Variants in SPAG16 observed in about 807,000 individuals in gnomAD.
The protein encoded by SPAG16 is sperm associated antigen 16.
Under a neutral mutation model 80.4 loss-of-function variants are expected in SPAG16, and 86 were observed. The ratio of observed to expected loss-of-function variants is 1.07; its 90% confidence interval spans 0.90 to 1.28. The LOEUF (loss-of-function observed/expected upper bound fraction) is 1.28, where lower values mean the gene tolerates loss of function less well. Ranked by LOEUF, SPAG16 falls within the 50% of genes most tolerant of loss-of-function variation. The pLI is 0.00. For synonymous variants in SPAG16, 294 were observed against 265.9 expected, an observed-to-expected ratio of 1.11 and a Z score of -1.03; for missense variants, 870 against 765.3, an observed-to-expected ratio of 1.14 and a Z score of -1.61.
chr2:213,537,011 A>C (rs2076274265), intron 10 of SPAG16, among the ~76,000 whole-genome samples: 1 of 152,078 alleles, frequency 6.6e-6, no homozygotes, highest in Non-Finnish European at 1.5e-5. Context: ...TGTCCTTTGT[A>C]GGTACATGGA....
intron 15 of SPAG16, among the ~76,000 whole-genome samples, chr2:214,261,992 T>G (rs914472683): frequency 4.6e-5 from 7 of 152,138 alleles, no homozygotes; most frequent in African/African-American, 1.7e-4. Flanking sequence ...AAAGGGGAAT[T>G]CTCATACAGT....
intron 15 of SPAG16, among the ~76,000 whole-genome samples, chr2:214,290,649 C>T (rs1693731901): frequency 6.6e-6 from 1 of 152,000 alleles, no homozygotes; most frequent in Non-Finnish European, 1.5e-5. Flanking sequence ...GGTTGGTTAT[C>T]CAGAAGCATG....
intron 15 of SPAG16, among the ~76,000 whole-genome samples, chr2:214,353,289 T>C (rs1332570446): frequency 6.6e-6 from 1 of 150,858 alleles, no homozygotes; most frequent in Non-Finnish European, 1.5e-5. Flanking sequence ...ATAAAATTAC[T>C]GAGGAAAAAA....
At chr2:214,138,248 G>C (rs2055164879) in intron 14 of SPAG16, among the ~76,000 whole-genome samples, 1 of 152,104 alleles carries the variant, frequency 6.6e-6, no homozygotes, top group Non-Finnish European at 1.5e-5. Flanking sequence ...CCTGGCTAGG[G>C]TAGTAAGTTC....
At chr2:214,136,598 G>C (rs1372138497) in intron 14 of SPAG16, among the ~76,000 whole-genome samples, 2 of 152,198 alleles carry the variant, frequency 1.3e-5, no homozygotes, top group Admixed American at 6.5e-5. Context: ...GCATAGGAAA[G>C]AAGTATACAC....
At chr2:213,701,611 G>T (rs561058404) in intron 10 of SPAG16, among the ~76,000 whole-genome samples, 1 of 152,304 alleles carries the variant, frequency 6.6e-6, no homozygotes, top group African/African-American at 2.4e-5. Flanking sequence ...GAGGAGTGCA[G>T]GTGCGTGGCG....
At chr2:213,383,813 A>T (rs1417487147) in intron 9 of SPAG16, among the ~76,000 whole-genome samples, 1 of 152,210 alleles carries the variant, frequency 6.6e-6, no homozygotes, top group Non-Finnish European at 1.5e-5. Context: ...GTGATGTTCT[A>T]TAATATTTCT....
intron 9 of SPAG16, among the ~76,000 whole-genome samples, chr2:213,383,113 G>A (rs2125250015): frequency 6.6e-6 from 1 of 152,156 alleles, no homozygotes; most frequent in East Asian, 1.9e-4. Flanking sequence ...GAATTCTTGA[G>A]CAATGTTTGG....
chr2:214,218,107 T>C (rs191124971), intron 15 of SPAG16, among the ~76,000 whole-genome samples: 18 of 152,324 alleles, frequency 1.2e-4, no homozygotes, highest in African/African-American at 3.8e-4. Context: ...GAGAGAATGA[T>C]AGCATTGTTT....
intron 13 of SPAG16, among the ~76,000 whole-genome samples, chr2:214,096,212 T>C (rs1401916731): frequency 1.3e-5 from 2 of 152,042 alleles, no homozygotes; most frequent in Non-Finnish European, 2.9e-5. Flanking sequence ...CTATATTTCC[T>C]TTGCATTATT....
chr2:214,246,343 C>T (rs912895306), intron 15 of SPAG16, among the ~76,000 whole-genome samples: 2 of 152,078 alleles, frequency 1.3e-5, no homozygotes, highest in African/African-American at 4.8e-5. Context: ...CACAATGTCA[C>T]GATGACATTC....
intron 15 of SPAG16, among the ~76,000 whole-genome samples, chr2:214,290,569 T>C (rs951272528): frequency 2.6e-5 from 4 of 152,178 alleles, no homozygotes; most frequent in African/African-American, 9.6e-5. Flanking sequence ...TTTGGGTATT[T>C]TTGTATTTCC....
At chr2:213,433,917 T>C (rs78808562) in intron 9 of SPAG16, among the ~76,000 whole-genome samples, 2 of 8,536 alleles carry the variant, frequency 2.3e-4, no homozygotes, top group African/African-American at 2.8e-4. Flanking sequence ...TTCTTTGTCT[T>C]TTTTTTTTTT....
intron 13 of SPAG16, among the ~76,000 whole-genome samples, chr2:214,045,151 A>G (rs2049244901): frequency 6.6e-6 from 1 of 152,034 alleles, no homozygotes; most frequent in Non-Finnish European, 1.5e-5. Flanking sequence ...ACTTGAGGAG[A>G]GCAGAGGGAA....
intron 9 of SPAG16, among the ~76,000 whole-genome samples, chr2:213,383,909 C>T (rs1461409354): frequency 6.6e-6 from 1 of 152,060 alleles, no homozygotes; most frequent in Admixed American, 6.6e-5. Flanking sequence ...TGTTGTCTGC[C>T]CAACTGAATG....
intron 12 of SPAG16, among the ~76,000 whole-genome samples, chr2:213,955,551 C>T (rs78421979): frequency 3.9e-5 from 6 of 152,130 alleles, no homozygotes; most frequent in Non-Finnish European, 8.8e-5. Context: ...ACATGTCTAT[C>T]CTTATAATAG....
At chr2:214,328,876 G>T (rs1262668684) in intron 15 of SPAG16, among the ~76,000 whole-genome samples, 1 of 152,108 alleles carries the variant, frequency 6.6e-6, no homozygotes, top group African/African-American at 2.4e-5. Context: ...CTAGGCACGG[G>T]GGAAGGCACT....
chr2:214,135,853 T>G (rs2055027416), intron 14 of SPAG16, among the ~76,000 whole-genome samples: 1 of 152,116 alleles, frequency 6.6e-6, no homozygotes, highest in African/African-American at 2.4e-5. Context: ...AAGCAGATAC[T>G]GGCGCCATGC....
intron 10 of SPAG16, among the ~76,000 whole-genome samples, chr2:213,789,889 C>T (rs778032062): frequency 1.4e-4 from 22 of 151,870 alleles, no homozygotes; most frequent in East Asian, 1.9e-4. Context: ...CTCCAATTTT[C>T]GGTAACGATA....
Sources: gnomAD v4.1 joint callset for allele counts (sites outside exome capture counted in the v4.1 genomes callset) on GRCh38, gnomAD v4.1.1 for gene constraint, MANE v1.5 for transcripts, NCBI Gene and HGNC (gene_info 2026-07-23, HGNC 2026-07-21) for gene names.